POU6F2: variants seen among roughly 807,000 people sequenced by gnomAD.
POU6F2 encodes POU domain, class 6, transcription factor 2.
In POU6F2, 31 loss-of-function variants were observed where a neutral mutation model predicts 71.3. The observed-to-expected ratio is 0.43, with a 90% confidence interval of 0.33 to 0.59. POU6F2 has a LOEUF of 0.59. POU6F2 is among the 20% of genes least tolerant of loss of function. The probability of loss-of-function intolerance (pLI) is 0.04; values close to 1 mark genes in which losing one functional copy is unlikely to be tolerated. For missense variants in POU6F2, 783 were observed against 856.8 expected (o/e 0.91, Z 1.07); for synonymous variants, 347 against 355.7 (o/e 0.98, Z 0.27).
At chr7:39,402,145 G>A (rs1481818676) in intron 5 of POU6F2, among the ~76,000 whole-genome samples, 2 of 152,174 alleles carry the variant, frequency 1.3e-5, no homozygotes, top group Non-Finnish European at 2.9e-5. Context: ...AAGAGAATAT[G>A]GGACATGACT....
intron 2 of POU6F2, among the ~76,000 whole-genome samples, chr7:39,184,503 T>C (rs562705874): frequency 3.3e-5 from 5 of 152,280 alleles, no homozygotes; most frequent in African/African-American, 1.2e-4. Context: ...TTCTCAACAC[T>C]AGGGATTTAA....
At chr7:39,068,489 G>GTATATATATATATATATATATA in intron 1 of POU6F2, among the ~76,000 whole-genome samples, 1 of 97,742 alleles carries the variant, frequency 1.0e-5, no homozygotes, top group African/African-American at 5.0e-5. Context: ...CCTAGTACAT[G>GTATATATATATATATATATATA]CATATATATA....
intron 4 of POU6F2, among the ~76,000 whole-genome samples, chr7:39,293,411 G>A (rs964293618): frequency 2.6e-5 from 4 of 152,220 alleles, no homozygotes; most frequent in Admixed American, 1.3e-4. Flanking sequence ...GCGGTAGAAA[G>A]ATGTAGTTAT....
At chr7:39,433,348 G>A (rs573665889) in intron 7 of POU6F2, 65 bp downstream of exon 7, 43 of 1,559,032 alleles carry the variant, frequency 2.8e-5, no homozygotes, top group Non-Finnish European at 3.8e-5. Flanking sequence ...TCTCCTCTTT[G>A]GTCTCAATCA....
intron 2 of POU6F2, among the ~76,000 whole-genome samples, chr7:39,194,325 A>T (rs1423573887): frequency 6.6e-6 from 1 of 152,238 alleles, no homozygotes; most frequent in Non-Finnish European, 1.5e-5. Flanking sequence ...GAGATCGAGA[A>T]CACATCCTTG....
chr7:39,195,862 G>A (rs760470879), intron 2 of POU6F2, among the ~76,000 whole-genome samples: 8 of 152,008 alleles, frequency 5.3e-5, no homozygotes, highest in Non-Finnish European at 2.9e-5. Context: ...CAGGTAGCAG[G>A]TAAGAAAACA....
chr7:38,998,014 C>G (rs114372836), intron 1 of POU6F2, among the ~76,000 whole-genome samples: 1,549 of 152,266 alleles, frequency 0.01, 31 homozygotes, highest in African/African-American at 0.035. Context: ...TTTGACTGGT[C>G]TCTAAGCATA....
At chr7:39,326,320 A>G (rs192506822) in intron 4 of POU6F2, among the ~76,000 whole-genome samples, 2 of 152,370 alleles carry the variant, frequency 1.3e-5, no homozygotes, top group East Asian at 3.9e-4. Flanking sequence ...ACCGTTATCC[A>G]AGGAGAGTCC....
At chr7:39,337,535 A>G (rs186136922) in intron 4 of POU6F2, among the ~76,000 whole-genome samples, 1 of 151,778 alleles carries the variant, frequency 6.6e-6, no homozygotes, top group East Asian at 1.9e-4. Flanking sequence ...ATATTAATAC[A>G]TCCTTGAACC....
At chr7:39,115,750 C>G (rs112459552) in intron 2 of POU6F2, among the ~76,000 whole-genome samples, 2,618 of 152,108 alleles carry the variant, frequency 0.017, 67 homozygotes, top group African/African-American at 0.06. Flanking sequence ...TTTTTGGATG[C>G]CGCCATTTGA....
chr7:39,212,671 G>A (rs778652523), intron 4 of POU6F2, among the ~76,000 whole-genome samples: 2 of 152,214 alleles, frequency 1.3e-5, no homozygotes, highest in Admixed American at 6.5e-5. Flanking sequence ...GAAATAAGAC[G>A]AATAATAGCC....
chr7:39,129,084 G>T (rs189278223), intron 2 of POU6F2, among the ~76,000 whole-genome samples: 50 of 152,290 alleles, frequency 3.3e-4, no homozygotes, highest in African/African-American at 1.2e-3. Flanking sequence ...AGTAAACGGT[G>T]CTGGCAAAGG....
chr7:39,036,934 TGC>T (rs1790078849), intron 1 of POU6F2, among the ~76,000 whole-genome samples: 1 of 151,814 alleles, frequency 6.6e-6, no homozygotes, highest in Non-Finnish European at 1.5e-5. Flanking sequence ...AGGGTACATG[TGC>T]AGGTTTGTTA....
At chr7:39,362,159 CT>C (rs1321478213) in intron 5 of POU6F2, among the ~76,000 whole-genome samples, 2 of 152,092 alleles carry the variant, frequency 1.3e-5, no homozygotes, top group East Asian at 3.8e-4. Flanking sequence ...ATAATCTAGT[CT>C]TAAATTGCTC....
At chr7:39,244,305 C>G (rs62453437) in intron 4 of POU6F2, among the ~76,000 whole-genome samples, 2 of 152,068 alleles carry the variant, frequency 1.3e-5, no homozygotes, top group African/African-American at 2.4e-5. Context: ...ACCATGCCCA[C>G]GCTGCAAAAA....
intron 5 of POU6F2, among the ~76,000 whole-genome samples, chr7:39,354,802 G>A (rs2115684952): frequency 6.6e-6 from 1 of 152,256 alleles, no homozygotes; most frequent in Admixed American, 6.5e-5. Context: ...TGCTTTATCA[G>A]GAAACTAGAT....
chr7:39,068,341 G>A (rs1040099037), intron 1 of POU6F2, among the ~76,000 whole-genome samples: 1 of 151,982 alleles, frequency 6.6e-6, no homozygotes, highest in Non-Finnish European at 1.5e-5. Context: ...CACTGTCCAA[G>A]ACCTAGTTGG....
intron 2 of POU6F2, among the ~76,000 whole-genome samples, chr7:39,130,046 G>A (rs1410663175): frequency 4.3e-4 from 54 of 124,982 alleles, no homozygotes; most frequent in African/African-American, 1.6e-3. Flanking sequence ...TAGCCTGGGC[G>A]ACAGAGCGAG....
At chr7:39,047,594 A>T (rs1043522580) in intron 1 of POU6F2, among the ~76,000 whole-genome samples, 1 of 151,838 alleles carries the variant, frequency 6.6e-6, no homozygotes. Flanking sequence ...TGTGGTGTGT[A>T]TGTGTATATT....
Sources: allele counts gnomAD v4.1 joint callset (sites outside exome capture counted in the v4.1 genomes callset), GRCh38; gene constraint gnomAD v4.1.1; transcripts MANE v1.5; gene names NCBI Gene and HGNC (gene_info 2026-07-23, HGNC 2026-07-21).